PDE11A: variants seen among roughly 807,000 people sequenced by gnomAD.
The protein encoded by PDE11A is phosphodiesterase 11A, also known as dual 3',5'-cyclic-AMP and -GMP phosphodiesterase 11A.
A neutral mutation model predicts 100.5 loss-of-function variants in PDE11A; 100 were observed. The ratio of observed to expected loss-of-function variants is 1.00; its 90% confidence interval spans 0.85 to 1.18. The LOEUF is 1.18. Among genes scored for constraint, PDE11A ranks in the 50% most tolerant of loss-of-function variants. PDE11A has a pLI of 0.00. For missense variants in PDE11A, 1,141 were observed against 1,152.6 expected, an observed-to-expected ratio of 0.99 and a Z score of 0.15; for synonymous variants, 381 against 420.8, an observed-to-expected ratio of 0.91 and a Z score of 1.16.
intron 16 of PDE11A, among the ~76,000 whole-genome samples, chr2:177,676,832 A>C (rs921371823): frequency 6.6e-6 from 1 of 152,228 alleles, no homozygotes; most frequent in African/African-American, 2.4e-5. Context: ...AATCGTCATC[A>C]CCACCCCAGA....
intron 2 of PDE11A, among the ~76,000 whole-genome samples, chr2:177,954,272 G>A (rs969687873): frequency 6.6e-6 from 1 of 151,944 alleles, no homozygotes; most frequent in African/African-American, 2.4e-5. Context: ...GGGGGGAAAT[G>A]TTACTTACAA....
chr2:177,884,195 G>C (rs2105708511), intron 4 of PDE11A, among the ~76,000 whole-genome samples: 1 of 152,254 alleles, frequency 6.6e-6, no homozygotes, highest in African/African-American at 2.4e-5. Context: ...CCCCAAAATA[G>C]TAATGATAAA....
intron 5 of PDE11A, among the ~76,000 whole-genome samples, chr2:177,841,770 A>G (rs890456558): frequency 2.0e-5 from 3 of 152,258 alleles, no homozygotes; most frequent in Admixed American, 2.0e-4. Flanking sequence ...CTCTGGCTGA[A>G]AAATGGAAGT....
chr2:177,926,917 C>G (rs1368172360), intron 2 of PDE11A: 1 of 152,168 alleles, frequency 6.6e-6, no homozygotes, highest in Non-Finnish European at 1.5e-5. Context: ...AGAAAAATCT[C>G]TTCACTGGTC....
At chr2:177,851,151 G>A (rs1474115065) in intron 5 of PDE11A, among the ~76,000 whole-genome samples, 2 of 152,180 alleles carry the variant, frequency 1.3e-5, no homozygotes, top group South Asian at 2.1e-4. Context: ...GTCCAACAAC[G>A]ATAGACTGGA....
chr2:177,813,700 A>G (rs2082988009), intron 9 of PDE11A, among the ~76,000 whole-genome samples: 1 of 152,098 alleles, frequency 6.6e-6, no homozygotes, highest in African/African-American at 2.4e-5. Context: ...ACACAGCAAG[A>G]CATGTATTCC....
intron 2 of PDE11A, among the ~76,000 whole-genome samples, chr2:178,091,243 G>A (rs559025189): frequency 1.8e-4 from 27 of 152,008 alleles, no homozygotes; most frequent in African/African-American, 5.8e-4. Context: ...CCTAATTTTT[G>A]TATTTTTTGC....
At chr2:177,741,431 G>C (rs1471670442) in intron 10 of PDE11A, among the ~76,000 whole-genome samples, 1 of 152,140 alleles carries the variant, frequency 6.6e-6, no homozygotes, top group East Asian at 1.9e-4. Context: ...CTAGGGATTA[G>C]GGCCTCAACA....
intron 10 of PDE11A, among the ~76,000 whole-genome samples, chr2:177,759,685 C>T (rs1001376017): frequency 4.6e-5 from 7 of 152,196 alleles, no homozygotes; most frequent in Non-Finnish European, 5.9e-5. Flanking sequence ...ACCATATACT[C>T]TCTTGCTAAG....
chr2:177,661,833 T>TA (rs1377512216), intron 19 of PDE11A, among the ~76,000 whole-genome samples: 5 of 151,936 alleles, frequency 3.3e-5, no homozygotes, highest in African/African-American at 9.7e-5. Flanking sequence ...AGTTAAATAA[T>TA]AAAAAAATGG....
chr2:178,048,584 C>T (rs1036025088), intron 1 of PDE11A, among the ~76,000 whole-genome samples: 4 of 152,074 alleles, frequency 2.6e-5, no homozygotes, highest in African/African-American at 9.7e-5. Context: ...CTCCTTCCTC[C>T]CTTTAATCCT....
intron 1 of PDE11A, among the ~76,000 whole-genome samples, chr2:178,053,784 A>T (rs982341667): frequency 2.0e-5 from 3 of 152,166 alleles, no homozygotes; most frequent in Admixed American, 6.5e-5. Context: ...AGAATAAAAT[A>T]CCTAGGAATA....
intron 14 of PDE11A, among the ~76,000 whole-genome samples, chr2:177,699,377 C>A (rs1239893321): frequency 1.3e-5 from 2 of 152,194 alleles, no homozygotes; most frequent in African/African-American, 4.8e-5. Context: ...CCAATGTGGT[C>A]TCTTGTTGAT....
chr2:177,905,146 A>G lies in PDE11A; in HGVS notation c.1113T>C (p.Ser371=), dbSNP rs946131888. The G allele has an allele frequency of 1.4e-5, 22 of 1,609,842 alleles. No individual in the cohort carries two copies. The African/African-American group carries it at 1.7e-4, about 13-fold the overall frequency. Residue 371 remains serine (S), a synonymous_variant, in exon 3 of 20, where the codon TCT becomes TCC. Transcript: ENST00000286063. The part of the protein sequence containing the change: ...MYLPFCGIAI[S]NAQLFAASRK... ...TTGAGGCAGCAAAGAGCTGAGCGTTAGATATGGCGATTCCACAAAATGGAA... is the reference window on the plus strand; with the variant it reads ...TTGAGGCAGCAAAGAGCTGAGCGTTGGATATGGCGATTCCACAAAATGGAA...
At chr2:177,944,947 C>T (rs1186023147) in intron 2 of PDE11A, among the ~76,000 whole-genome samples, 2 of 150,238 alleles carry the variant, frequency 1.3e-5, no homozygotes, top group Non-Finnish European at 3.0e-5. Flanking sequence ...TCTCCTGCCT[C>T]AGCCTGCTGA....
chr2:178,020,336 A>G (rs1418015916), intron 1 of PDE11A, among the ~76,000 whole-genome samples: 1 of 152,222 alleles, frequency 6.6e-6, no homozygotes, highest in Non-Finnish European at 1.5e-5. Context: ...CCAACCACCA[A>G]GGCTATGGAG....
At position 177,770,536 on chromosome 2, in the gene PDE11A, G is replaced by A. The variant is rs748804574; in HGVS notation, c.1738-1163C>T. On this transcript the variant is annotated intron_variant, in intron 9 of 19. Transcript: ENST00000286063. ...TCAATGAATTATAAGTGGGAGTGTCGGCGCTGCTTCTTTCTTTTTCTTCCT... is the reference window on the plus strand; with the variant it reads ...TCAATGAATTATAAGTGGGAGTGTCAGCGCTGCTTCTTTCTTTTTCTTCCT... Among the ~76,000 whole-genome samples, 5 of 143,736 alleles carry A rather than the reference G, an allele frequency of 3.5e-5. No homozygotes were observed. In the East Asian group the frequency reaches 8.2e-4, roughly 24 times the overall value. 94.3% of individuals were successfully genotyped at this position (143,736 alleles called of 152,430 possible). A position where few individuals can be genotyped will look rare whatever the true frequency, so the allele number is the denominator to read the frequency against.
At chr2:177,822,464 T>C (rs935937090) in intron 6 of PDE11A, among the ~76,000 whole-genome samples, 6 of 152,216 alleles carry the variant, frequency 3.9e-5, no homozygotes, top group Non-Finnish European at 8.8e-5. Context: ...TCTATCCTTA[T>C]GCCAATACCA....
At chr2:177,864,641 A>G (rs553549569) in intron 5 of PDE11A, among the ~76,000 whole-genome samples, 2 of 152,330 alleles carry the variant, frequency 1.3e-5, no homozygotes, top group Admixed American at 1.3e-4. Context: ...CAGCAAGGAT[A>G]TGGACACATC....
Sources: gnomAD v4.1 joint callset for allele counts (sites outside exome capture counted in the v4.1 genomes callset) on GRCh38, gnomAD v4.1.1 for gene constraint, MANE v1.5 for transcripts, NCBI Gene and HGNC (gene_info 2026-07-23, HGNC 2026-07-21) for gene names.